Variants in LRRCC1 observed in about 807,000 individuals in gnomAD.
The protein encoded by LRRCC1 is leucine-rich repeat and coiled-coil domain-containing protein 1.
Under a neutral mutation model 126.0 loss-of-function variants are expected in LRRCC1, and 115 were observed. The observed-to-expected ratio is 0.91, with a 90% CI of 0.78 to 1.07. The LOEUF is 1.07. Among genes scored for constraint, LRRCC1 ranks in the 50% least tolerant of loss-of-function variants. The pLI is 0.00. For missense variants in LRRCC1, 1,172 were observed against 1,175.7 expected (o/e 1.00, Z 0.05); for synonymous variants, 400 against 393.4 (o/e 1.02, Z -0.20).
Position 85,110,603 on chromosome 8 carries a change from A to G in LRRCC1, c.376+423A>G, listed in dbSNP as rs1010929765. On this transcript the variant is annotated intron_variant, in intron 3 of 18. Transcript: ENST00000360375. ...GAAATGTAGCTAGTGCAACTTAAGGACTGAGTTTGTAATTTTATTTAATTT... is the reference window on the plus strand; with the variant it reads ...GAAATGTAGCTAGTGCAACTTAAGGGCTGAGTTTGTAATTTTATTTAATTT... Among the ~76,000 whole-genome samples the G allele has an allele frequency of 5.9e-5, 9 of 152,198 alleles. 1 individual carries two copies. Among genetic ancestry groups the G allele is most frequent in the African/African-American group, 2.2e-4 (9 of 41,450 alleles).
intron 6 of LRRCC1, among the ~76,000 whole-genome samples, chr8:85,120,266 G>A (rs2135941634): frequency 6.6e-6 from 1 of 152,064 alleles, no homozygotes; most frequent in East Asian, 1.9e-4. Flanking sequence ...ATTTTTTTGT[G>A]TCTGTTCTAT....
Position 85,145,607 on chromosome 8 carries a change from G to A in LRRCC1, c.*96G>A. The stretch of plus-strand genomic sequence containing the variant: ...GTAGTAACTGCTATGACTTTGAAAT[G>A]TCTCTTTCTATACATTTCATTATGA... On this transcript the variant is annotated 3_prime_UTR_variant, in exon 19 of 19. Transcript: ENST00000360375. The A allele has an allele frequency of 2.0e-6, 2 of 999,360 alleles. No individual in the cohort carries two copies. Among genetic ancestry groups the A allele is most frequent in the South Asian group, 1.9e-5 (1 of 52,850 alleles). 61.9% of individuals were successfully genotyped at this position (999,360 alleles called of 1,614,324 possible).
chr8:85,111,168 G>C (rs1483473936), intron 3 of LRRCC1, among the ~76,000 whole-genome samples: 1 of 152,032 alleles, frequency 6.6e-6, no homozygotes, highest in Non-Finnish European at 1.5e-5. Context: ...ACCTGAGATA[G>C]GGAGTTCAAA....
At chr8:85,133,483 A>G (rs936369719) in intron 12 of LRRCC1, among the ~76,000 whole-genome samples, 5 of 152,160 alleles carry the variant, frequency 3.3e-5, no homozygotes, top group African/African-American at 1.2e-4. Context: ...TTTTGCAAGA[A>G]TTTTAAACTT....
At chr8:85,112,839 C>G in intron 3 of LRRCC1, 93 bp from the exon 4 acceptor site, 1 of 834,508 alleles carries the variant, frequency 1.2e-6, no homozygotes, top group East Asian at 2.7e-5. Context: ...TGCCCGTTTG[C>G]CTCTAAAAGT....
At chr8:85,114,988 T>G in intron 4 of LRRCC1, 112 bp from the exon 5 acceptor site, 1 of 733,444 alleles carries the variant, frequency 1.4e-6, no homozygotes, top group African/African-American at 1.8e-5. Context: ...ATTATTTGCT[T>G]TCTGGAACTA....
intron 18 of LRRCC1, among the ~76,000 whole-genome samples, chr8:85,143,579 T>A (rs1295106348): frequency 6.6e-6 from 1 of 152,052 alleles, no homozygotes; most frequent in African/African-American, 2.4e-5. Context: ...TTCGGGACTA[T>A]GGTGAGCTGT....
At chr8:85,113,768 TTAATA>T (rs1156857517) in intron 4 of LRRCC1, among the ~76,000 whole-genome samples, 1 of 152,094 alleles carries the variant, frequency 6.6e-6, no homozygotes, top group Non-Finnish European at 1.5e-5. Context: ...TTAAGAAAGT[TTAATA>T]TATAGAGATG....
intron 12 of LRRCC1, among the ~76,000 whole-genome samples, chr8:85,132,836 A>G (rs1263040166): frequency 6.6e-6 from 1 of 152,222 alleles, no homozygotes; most frequent in Non-Finnish European, 1.5e-5. Flanking sequence ...CCAAACGTAT[A>G]GTAGATCCCA....
Position 85,109,728 on chromosome 8 carries a change from A to G in LRRCC1, c.238A>G (p.Ile80Val), listed in dbSNP as rs372149999. The part of the protein sequence containing the change: ...LDLSSNQISR[I>V]EGLNTLTKLC... ...TCTGTCATCTAATCAAATAAGTAGA[A>G]TTGAAGGACTAAACACACTGACAAA... The change falls in exon 2 of 19, where the codon ATT becomes GTT. Residue 80 changes from isoleucine (I) to valine (V), a missense_variant. Physicochemically the swap from Ile to Val is conservative, Grantham distance 29. Coordinates refer to ENST00000360375, the MANE Select transcript of LRRCC1 (RefSeq NM_033402.5). 4 of 1,603,820 alleles carry G rather than the reference A, an allele frequency of 2.5e-6. No individual in the cohort carries two copies. In the East Asian group the frequency reaches 8.9e-5, roughly 36 times the overall value.
chr8:85,134,342 G>A (rs1340867361), intron 12 of LRRCC1, among the ~76,000 whole-genome samples: 2 of 152,158 alleles, frequency 1.3e-5, no homozygotes, highest in African/African-American at 4.8e-5. Flanking sequence ...TTCAGTGCTA[G>A]AGCAATATCT....
intron 3 of LRRCC1, among the ~76,000 whole-genome samples, chr8:85,111,414 T>C (rs1450870361): frequency 6.6e-6 from 1 of 152,224 alleles, no homozygotes; most frequent in Non-Finnish European, 1.5e-5. Flanking sequence ...ACCCTGGCCT[T>C]GTCATTACTA....
At position 85,129,208 on chromosome 8, in the gene LRRCC1, C is replaced by T. The variant is rs1810249209; in HGVS notation, c.1455C>T (p.Ser485=). ...AAATTATTTTTAGAGAGAGAAATTC[C>T]AAAGGACAACTCGAAGTTATGGTTC... ...LKEIIFRERN[S]KGQLEVMVHK... The change falls in exon 10 of 19, where the codon TCC becomes TCT. Residue 485 remains serine (S), a synonymous_variant. Coordinates refer to ENST00000360375, the MANE Select transcript of LRRCC1 (RefSeq NM_033402.5). The T allele has an allele frequency of 1.2e-6, 2 of 1,611,616 alleles. No individual in the cohort carries two copies. The highest frequency in any genetic ancestry group is 1.3e-5 in the African/African-American group (1 of 74,664).
intron 6 of LRRCC1, among the ~76,000 whole-genome samples, chr8:85,116,394 G>C (rs1207319723): frequency 6.6e-6 from 1 of 151,114 alleles, no homozygotes; most frequent in Non-Finnish European, 1.5e-5. Flanking sequence ...TTTTTTTAGA[G>C]TCAGGGTCTT....
intron 1 of LRRCC1, chr8:85,108,766 C>T (rs1453203185): frequency 6.6e-6 from 1 of 152,216 alleles, no homozygotes; most frequent in Admixed American, 6.5e-5. Flanking sequence ...ACTCAACCTA[C>T]AGCAGATGCC....
chr8:85,111,959 T>C (rs1253710918), intron 3 of LRRCC1, among the ~76,000 whole-genome samples: 1 of 151,636 alleles, frequency 6.6e-6, no homozygotes, highest in African/African-American at 2.4e-5. Flanking sequence ...GCCTCCTGGG[T>C]TCCAGCGATT....
chr8:85,134,442 C>T (rs1287864707), intron 12 of LRRCC1, among the ~76,000 whole-genome samples: 1 of 152,118 alleles, frequency 6.6e-6, no homozygotes, highest in Non-Finnish European at 1.5e-5. Flanking sequence ...CTCAGCCTCC[C>T]AAGTAGCTGG....
rs746298323 is a variant in LRRCC1 at position 85,141,507 on chromosome 8, C to A, written c.2966C>A (p.Ala989Glu). The change falls in exon 18 of 19, where the codon GCA becomes GAA. Residue 989 changes from alanine (A) to glutamate (E), a missense_variant. Ala to Glu is a moderately radical substitution (Grantham distance 107). Transcript: ENST00000360375. ...GAAAAGCAGAAGTGTATTGATTCTG[C>A]AAATTTAAAGGTATTGTAAGTAAAA... ...ANEKQKCIDSANLKVHQIEKE... is the reference protein window; with the variant it reads ...ANEKQKCIDSENLKVHQIEKE... 3 of 1,604,130 alleles carry A rather than the reference C, an allele frequency of 1.9e-6. No homozygotes were observed. The highest frequency in any genetic ancestry group is 1.7e-5 in the Admixed American group (1 of 59,072).
rs1809849385 is a variant in LRRCC1 at position 85,124,870 on chromosome 8, A to G, written c.1203A>G (p.Gln401=). Residue 401 remains glutamine (Q), a synonymous_variant, in exon 8 of 19, where the codon CAA becomes CAG. Transcript: ENST00000360375. ...CTTTAGCAAACTGTCCTATGTTACA[A>G]GAATCAGAAAAGCCAAAGACTGAAA... ...SSSLANCPML[Q]ESEKPKTEII... The G allele has an allele frequency of 1.9e-6, 3 of 1,607,436 alleles. No individual in the cohort carries two copies. Among genetic ancestry groups the G allele is most frequent in the Non-Finnish European group, 2.6e-6 (3 of 1,175,690 alleles).
Sources: allele counts gnomAD v4.1 joint callset (sites outside exome capture counted in the v4.1 genomes callset), GRCh38; gene constraint gnomAD v4.1.1; transcripts MANE v1.5; gene names NCBI Gene and HGNC (gene_info 2026-07-23, HGNC 2026-07-21).